The following VOPP1 variants were observed in gnomAD, a reference collection of about 807,000 sequenced individuals.
VOPP1 encodes VOPP1 WW domain binding protein.
A neutral mutation model predicts 23.5 loss-of-function variants in VOPP1; 8 were observed. That is an observed-to-expected ratio of 0.34 (90% CI 0.20 to 0.61). The LOEUF (loss-of-function observed/expected upper bound fraction) is 0.61. Among genes scored for constraint, VOPP1 ranks in the 20% least tolerant of loss-of-function variants. VOPP1 has a pLI of 0.78. For synonymous variants in VOPP1, 83 were observed against 97.3 expected, an observed-to-expected ratio of 0.85 and a Z score of 0.86; for missense variants, 174 against 238.1, an observed-to-expected ratio of 0.73 and a Z score of 1.77.
chr7:55,554,530 C>T (rs1240434002), intron 1 of VOPP1, among the ~76,000 whole-genome samples: 1 of 152,202 alleles, frequency 6.6e-6, no homozygotes, highest in African/African-American at 2.4e-5. Context: ...AAAACGGGGC[C>T]TGGGAGAGGC....
chr7:55,464,752 G>C (rs1464125432), intron 4 of VOPP1, among the ~76,000 whole-genome samples: 1 of 152,206 alleles, frequency 6.6e-6, no homozygotes, highest in Non-Finnish European at 1.5e-5. Flanking sequence ...TGAGTCCCGG[G>C]GAAGGATGTA....
At chr7:55,540,070 T>C (rs949844177) in intron 1 of VOPP1, among the ~76,000 whole-genome samples, 1 of 152,106 alleles carries the variant, frequency 6.6e-6, no homozygotes, top group African/African-American at 2.4e-5. Flanking sequence ...CGAACTTCCC[T>C]GGCTAGGTAA....
chr7:55,546,221 G>T (rs1183458693), intron 1 of VOPP1, among the ~76,000 whole-genome samples: 3 of 152,256 alleles, frequency 2.0e-5, no homozygotes, highest in Non-Finnish European at 4.4e-5. Context: ...GGGCACAGGT[G>T]GTGCCATCTC....
intron 4 of VOPP1, among the ~76,000 whole-genome samples, chr7:55,459,833 G>T (rs1371315756): frequency 6.6e-6 from 1 of 151,138 alleles, no homozygotes; most frequent in East Asian, 2.0e-4. Flanking sequence ...TTTGTCTCTT[G>T]ATCCTTTGTA....
In VOPP1 at chr7:55,473,061, A is replaced by G; in HGVS notation, c.329-16T>C. On this transcript the variant is annotated splice_polypyrimidine_tract_variant and intron_variant, in intron 4 of 4. Transcript: ENST00000285279. ...TGCTGGGCTCCTGAAAGACAGACAA[A>G]CATAGGTGAGCACAGAAGGGAAAGC... The G allele has an allele frequency of 6.3e-7, 1 of 1,593,196 alleles. No individual in the cohort carries two copies. Among genetic ancestry groups the G allele is most frequent in the Non-Finnish European group, 8.5e-7 (1 of 1,171,938 alleles).
At chr7:55,465,940 A>G (rs960132459), downstream of VOPP1, among the ~76,000 whole-genome samples, 1 of 152,086 alleles carries the variant, frequency 6.6e-6, no homozygotes, top group African/African-American at 2.4e-5. Flanking sequence ...TGTCCCCCCA[A>G]ATGTCATATG....
At chr7:55,519,431 TA>T (rs1340475735) in intron 2 of VOPP1, among the ~76,000 whole-genome samples, 2 of 152,172 alleles carry the variant, frequency 1.3e-5, no homozygotes, top group African/African-American at 4.8e-5. Flanking sequence ...AGCTGATCTA[TA>T]AAACAATTGG....
chr7:55,502,872 C>T (rs910834114), intron 2 of VOPP1, among the ~76,000 whole-genome samples: 5 of 152,228 alleles, frequency 3.3e-5, no homozygotes. Flanking sequence ...TCATCTCGTT[C>T]TTCTCTGTGT....
chr7:55,505,464 G>T (rs543977143), intron 2 of VOPP1, among the ~76,000 whole-genome samples: 39 of 152,146 alleles, frequency 2.6e-4, no homozygotes, highest in African/African-American at 9.2e-4. Context: ...GGGTGACGTG[G>T]TAAGACGGAA....
intron 4 of VOPP1, among the ~76,000 whole-genome samples, chr7:55,440,407 C>T (rs1342657216): frequency 1.3e-5 from 2 of 152,176 alleles, no homozygotes; most frequent in Non-Finnish European, 2.9e-5. Flanking sequence ...AGAGACCATC[C>T]GTTTTACTTT....
intron 1 of VOPP1, among the ~76,000 whole-genome samples, chr7:55,549,845 T>G (rs1042512460): frequency 2.6e-5 from 4 of 152,228 alleles, no homozygotes; most frequent in African/African-American, 9.7e-5. Context: ...ATCTCACATA[T>G]TAAAATGCCA....
At chr7:55,560,910 A>G (rs1192941803) in intron 1 of VOPP1, among the ~76,000 whole-genome samples, 2 of 152,170 alleles carry the variant, frequency 1.3e-5, no homozygotes, top group Admixed American at 1.3e-4. Context: ...CATCATAACA[A>G]TAATTCCCCA....
At chr7:55,456,730 A>G (rs1202095422) in intron 4 of VOPP1, among the ~76,000 whole-genome samples, 2 of 152,198 alleles carry the variant, frequency 1.3e-5, no homozygotes, top group South Asian at 2.1e-4. Flanking sequence ...GTTCTCACTC[A>G]TAAGTGGGAG....
chr7:55,553,756 TACACACACACACACACAC>T (rs59300549), intron 1 of VOPP1: 79 of 138,598 alleles, frequency 5.7e-4, no homozygotes, highest in South Asian at 1.2e-3. Flanking sequence ...CCCTGCACTC[TACACACACACACACACAC>T]ACACACACAC....
chr7:55,511,289 C>T (rs7785232), intron 2 of VOPP1, among the ~76,000 whole-genome samples: 2,909 of 152,204 alleles, frequency 0.019, 99 homozygotes, highest in African/African-American at 0.066. Flanking sequence ...GGAGAGCAGT[C>T]GGACGGTATT....
chr7:55,444,063 AGACTGGCCC>A (rs1791035402), intron 4 of VOPP1, among the ~76,000 whole-genome samples: 1 of 134,938 alleles, frequency 7.4e-6, no homozygotes, highest in Admixed American at 7.3e-5. Flanking sequence ...CCATAAAACA[AGACTGGCCC>A]TTTATCTATT....
At chr7:55,537,561 C>G in intron 1 of VOPP1, 2 of 1,535,986 alleles carry the variant, frequency 1.3e-6, no homozygotes. Flanking sequence ...CAGCGCACCT[C>G]CTCGCCAGCC....
At chr7:55,559,175 T>C (rs532948730) in intron 1 of VOPP1, among the ~76,000 whole-genome samples, 242 of 152,264 alleles carry the variant, frequency 1.6e-3, no homozygotes, top group Middle Eastern at 3.4e-3. Flanking sequence ...TACACACAAC[T>C]GAATTCAGAT....
intron 4 of VOPP1, among the ~76,000 whole-genome samples, chr7:55,439,603 G>A (rs750006740): frequency 5.3e-5 from 8 of 152,230 alleles, no homozygotes; most frequent in South Asian, 2.1e-4. Context: ...CTGGAGTGAC[G>A]TCTCCAAGGA....
Sources: gnomAD v4.1 joint callset for allele counts (sites outside exome capture counted in the v4.1 genomes callset) on GRCh38, gnomAD v4.1.1 for gene constraint, MANE v1.5 for transcripts, NCBI Gene and HGNC (gene_info 2026-07-23, HGNC 2026-07-21) for gene names.